Variants in SLC22A7 observed in about 807,000 individuals in gnomAD.
SLC22A7 encodes the protein solute carrier family 22 member 7.
In SLC22A7, 48 loss-of-function variants were observed where a neutral mutation model predicts 62.2. That is an observed-to-expected ratio of 0.77 (90% CI 0.61 to 0.98). The LOEUF (loss-of-function observed/expected upper bound fraction) is 0.98, where lower values mean the gene tolerates loss of function less well. SLC22A7 is among the 50% of genes least tolerant of loss of function. The pLI is 0.00. For synonymous variants in SLC22A7, 276 were observed against 314.8 expected (o/e 0.88, Z 1.30); for missense variants, 581 against 703.8 (o/e 0.83, Z 1.97).
chr6:43,302,386 G>A lies in SLC22A7; in HGVS notation c.1248G>A (p.Ala416=), dbSNP rs762392408. ...QAGTLLGTAL[A]FGTRLLVSSD... is the part of the protein sequence containing the mutation. ...GGACACTGCTGGGCACGGCCCTGGC[G>A]TTCGGCACTAGACTGCTAGTGTCCT... is the stretch of plus-strand genomic sequence containing the variant. The change falls in exon 8 of 11, where the codon GCG becomes GCA. Residue 416 remains alanine, a synonymous_variant. Transcript: ENST00000372585. The surrounding 1 kb of genome is among the most constrained non-coding windows in gnomAD (Gnocchi z 5.0). The A allele has an allele frequency of 2.1e-5, 33 of 1,606,368 alleles. No individual in the cohort carries two copies. Among genetic ancestry groups the A allele is most frequent in the South Asian group, 4.4e-5 (4 of 90,276 alleles).
intron 1 of SLC22A7, 144 bp from the exon 2 acceptor site, chr6:43,298,945 TATC>T (rs1778634488): frequency 7.1e-6 from 8 of 1,119,798 alleles, no homozygotes; most frequent in East Asian, 2.4e-5. Flanking sequence ...CAAGAACTGT[TATC>T]ATCATCATTA....
chr6:43,299,087 T>G lies in SLC22A7; in HGVS notation c.394-5T>G. The G allele has an allele frequency of 6.3e-7, 1 of 1,595,600 alleles. No individual in the cohort carries two copies. The highest frequency in any genetic ancestry group is 8.5e-7 in the Non-Finnish European group (1 of 1,170,498). ...GGCCTTCTTTTCTCCCTTCCTCTTT[T>G]CCAGTCCCAGGTCGGTATTTACATA... On this transcript the variant is annotated splice_region_variant and splice_polypyrimidine_tract_variant and intron_variant, in intron 1 of 10. Transcript: ENST00000372585. The surrounding 1 kb of genome is among the most constrained non-coding windows in gnomAD (Gnocchi z 4.4).
rs1410352844 is a variant in SLC22A7, at chr6:43,299,860, C to A, written c.659-38C>A. 1.2e-6 allele frequency: 2 copies of A among 1,614,174 alleles called. No homozygotes were observed. Among genetic ancestry groups the A allele is most frequent in the Non-Finnish European group, 1.7e-6 (2 of 1,180,002 alleles). ...CAGAGTGAGGCTGAGCCCATCTGGT[C>A]CTCACTAACCATCTTCCTGTCTCCT... On this transcript the variant is annotated intron_variant, in intron 4 of 10. Transcript: ENST00000372585. The surrounding 1 kb of genome is among the most constrained non-coding windows in gnomAD (Gnocchi z 4.4).
intron 6 of SLC22A7, 80 bp downstream of exon 6, chr6:43,301,338 C>A: frequency 6.3e-7 from 1 of 1,581,352 alleles, no homozygotes. Flanking sequence ...CCTCCCAGAG[C>A]CCACCATATA....
At position 43,299,098 on chromosome 6, in the gene SLC22A7, G is replaced by A; in HGVS notation, c.399+1G>A. 6.2e-7 allele frequency: 1 copy of A among 1,607,700 alleles called. No homozygotes were observed. Among genetic ancestry groups the A allele is most frequent in the Non-Finnish European group, 8.5e-7 (1 of 1,176,148 alleles). On this transcript the variant is annotated splice_donor_variant, in intron 2 of 10. Coordinates refer to ENST00000372585, the MANE Select transcript of SLC22A7 (RefSeq NM_153320.2). LOFTEE classifies it high-confidence loss of function. The surrounding 1 kb of genome is among the most constrained non-coding windows in gnomAD (Gnocchi z 4.4). Reference sequence around the variant, plus strand: ...CTCCCTTCCTCTTTTCCAGTCCCAGGTCGGTATTTACATAATCCATCTGGA... The same window carrying A: ...CTCCCTTCCTCTTTTCCAGTCCCAGATCGGTATTTACATAATCCATCTGGA...
In SLC22A7 at chr6:43,301,603, C is replaced by T. The variant is rs142909202; in HGVS notation, c.972C>T (p.Ala324=). 1.5e-4 allele frequency: 250 copies of T among 1,614,058 alleles called. 6 individuals are homozygous for T. The South Asian group carries it at 2.4e-3, about 15-fold the overall frequency. ...ACCAGGCTGTGAGCAAAGTGGCCGC[C>T]GGGGAACGGGTGGTCCGAAGACCTT... ...FSQEAVSKVA[A]GERVVRRPSY... The change falls in exon 7 of 11, where the codon GCC becomes GCT. Residue 324 remains alanine (A), a synonymous_variant. Coordinates refer to ENST00000372585, the MANE Select transcript of SLC22A7 (RefSeq NM_153320.2).
At position 43,299,143 on chromosome 6, in the gene SLC22A7, C is replaced by T. The variant is rs746598909; in HGVS notation, c.399+46C>T. The T allele has an allele frequency of 6.2e-7, 1 of 1,614,002 alleles. No individual in the cohort carries two copies. Among genetic ancestry groups the T allele is most frequent in the East Asian group, 2.2e-5 (1 of 44,890 alleles). The stretch of plus-strand genomic sequence containing the variant: ...TCTGGAGGTGGAATGTCGGTGGAGG[C>T]AGTCTCCCTGGGAGGCAGCAGGTCG... On this transcript the variant is annotated intron_variant, in intron 2 of 10. Transcript: ENST00000372585. The surrounding 1 kb of genome is among the most constrained non-coding windows in gnomAD (Gnocchi z 4.4).
At chr6:43,303,026 C>A in intron 9 of SLC22A7, 1 of 782,374 alleles carries the variant, frequency 1.3e-6, no homozygotes, top group Non-Finnish European at 1.6e-6. Flanking sequence ...GCCTCTCACT[C>A]GTTCTCCACA....
At chr6:43,303,033 C>T (rs947311150) in intron 9 of SLC22A7, 1 of 835,822 alleles carries the variant, frequency 1.2e-6, no homozygotes, top group African/African-American at 1.8e-5. Context: ...ACTCGTTCTC[C>T]ACACTACACC....
rs552648635 is a variant in SLC22A7, at chr6:43,300,804, T to A, written c.828-331T>A. Among the ~76,000 whole-genome samples the A allele has an allele frequency of 3.3e-5, 5 of 152,020 alleles. No homozygotes were observed. In the East Asian group the frequency reaches 9.6e-4, roughly 29 times the overall value. On this transcript the variant is annotated intron_variant, in intron 5 of 10. Transcript: ENST00000372585. ...TGCCACCACACCCAGCTAATATTTA[T>A]TTTTTGATTTTTTGTAGAGACAGGG...
intron 9 of SLC22A7, chr6:43,303,037 C>T (rs1778810514): frequency 2.3e-6 from 2 of 857,606 alleles, no homozygotes; most frequent in African/African-American, 1.8e-5. Flanking sequence ...GTTCTCCACA[C>T]TACACCCAGA....
rs1778652214 is a variant in SLC22A7, at chr6:43,299,368, C to G, written c.400-22C>G. 1.2e-6 allele frequency: 2 copies of G among 1,612,964 alleles called. No homozygotes were observed. The highest frequency in any genetic ancestry group is 1.7e-6 in the Non-Finnish European group (2 of 1,179,102). ...AGAGGGGCTGATGTTCATAGGAGGT[C>G]CCTTTCTGCCTGTCCTTGCAGTGGG... On this transcript the variant is annotated intron_variant, in intron 2 of 10. Transcript: ENST00000372585. The surrounding 1 kb of genome is among the most constrained non-coding windows in gnomAD (Gnocchi z 4.4).
Position 43,305,502 on chromosome 6 carries a change from A to G in SLC22A7, c.*777A>G. ...GCCAACATTTTATTGAAGAAGCCAC[A>G]GAGGCTGAAATTCAATAAACACAAG... On this transcript the variant is annotated 3_prime_UTR_variant, in exon 11 of 11. Transcript: ENST00000372585. 1 of 417,508 alleles carries G rather than the reference A, an allele frequency of 2.4e-6. No homozygotes were observed. 25.9% of individuals were successfully genotyped at this position (417,508 alleles called of 1,614,324 possible).
upstream of SLC22A7, chr6:43,297,948 C>G (rs70953674): frequency 0.015 from 2,475 of 164,616 alleles, 25 homozygotes; most frequent in Middle Eastern, 0.063. Context: ...CAAAGGGCAC[C>G]CTGGGAGAGC....
At position 43,302,888 on chromosome 6, in the gene SLC22A7, G is replaced by A; in HGVS notation, c.1385+125G>A. On this transcript the variant is annotated intron_variant, in intron 9 of 10. Coordinates refer to ENST00000372585, the MANE Select transcript of SLC22A7 (RefSeq NM_153320.2). The surrounding 1 kb of genome is among the most constrained non-coding windows in gnomAD (Gnocchi z 5.0). ...ATTTTTTTTTTAATTTTAATTTTTGGTAGAGACGGGGTCTTGCTATATTAC... is the reference window on the plus strand; with the variant it reads ...ATTTTTTTTTTAATTTTAATTTTTGATAGAGACGGGGTCTTGCTATATTAC... 4.2e-6 allele frequency: 3 copies of A among 715,402 alleles called. 1 individual carries two copies. The South Asian group carries it at 5.7e-5, about 14-fold the overall frequency. The allele number at this position is 715,402 out of a possible 1,614,324, so 44.3% of individuals were successfully genotyped here.
rs758188220 is a variant in SLC22A7, at chr6:43,299,134, C to G, written c.399+37C>G. 6.2e-7 allele frequency: 1 copy of G among 1,613,874 alleles called. No individual in the cohort carries two copies. Among genetic ancestry groups the G allele is most frequent in the African/African-American group, 1.3e-5 (1 of 75,022 alleles). On this transcript the variant is annotated intron_variant, in intron 2 of 10. Coordinates refer to ENST00000372585, the MANE Select transcript of SLC22A7 (RefSeq NM_153320.2). The surrounding 1 kb of genome is among the most constrained non-coding windows in gnomAD (Gnocchi z 4.4). ...CATAATCCATCTGGAGGTGGAATGT[C>G]GGTGGAGGCAGTCTCCCTGGGAGGC...
chr6:43,304,619 G>C, intron 10 of SLC22A7, 52 bp from the exon 11 acceptor site: 1 of 1,535,274 alleles, frequency 6.5e-7, no homozygotes, highest in Non-Finnish European at 9.0e-7. Flanking sequence ...AGGCTGGGGT[G>C]GTAGGCTCGG....
At position 43,299,862 on chromosome 6, in the gene SLC22A7, T is replaced by C. The variant is rs1562113038; in HGVS notation, c.659-36T>C. On this transcript the variant is annotated intron_variant, in intron 4 of 10. Coordinates refer to ENST00000372585, the MANE Select transcript of SLC22A7 (RefSeq NM_153320.2). This position sits in a 1 kb window ranked among gnomAD's most constrained non-coding sequence, Gnocchi z 4.4. ...GAGTGAGGCTGAGCCCATCTGGTCC[T>C]CACTAACCATCTTCCTGTCTCCTGT... is the stretch of plus-strand genomic sequence containing the variant. The C allele has an allele frequency of 6.2e-7, 1 of 1,614,186 alleles. No homozygotes were observed. The highest frequency in any genetic ancestry group is 1.3e-5 in the African/African-American group (1 of 75,048).
In SLC22A7 at chr6:43,298,525, C is replaced by A; in HGVS notation, c.167C>A (p.Ala56Asp). The change falls in exon 1 of 11, where the codon GCC becomes GAC. Residue 56 changes from alanine (A) to aspartate (D), a missense_variant. By Grantham distance (126) the Ala-to-Asp change is moderately radical. Transcript: ENST00000372585. ...AHRCALPGAP[A>D]NFSHQDVWLE... ...CGATGTGCCCTGCCGGGTGCCCCTG[C>A]CAACTTCAGCCATCAGGATGTGTGG... is the stretch of plus-strand genomic sequence containing the variant. 6.2e-7 allele frequency: 1 copy of A among 1,613,678 alleles called. No homozygotes were observed. The highest frequency in any genetic ancestry group is 8.5e-7 in the Non-Finnish European group (1 of 1,180,028).
Sources: gnomAD v4.1 joint callset for allele counts (sites outside exome capture counted in the v4.1 genomes callset) on GRCh38, gnomAD v4.1.1 for gene constraint, Gnocchi (gnomAD v3.1) non-coding constraint, MANE v1.5 for transcripts, NCBI Gene and HGNC (gene_info 2026-07-23, HGNC 2026-07-21) for gene names.